Variants in TNFSF4 observed in about 807,000 individuals in gnomAD.
TNFSF4 encodes tumor necrosis factor ligand superfamily member 4.
Under a neutral mutation model 7.3 loss-of-function variants are expected in TNFSF4, and 4 were observed. The ratio of observed to expected loss-of-function variants is 0.55; its 90% confidence interval spans 0.27 to 1.25. The LOEUF is 1.25. Ranked by LOEUF, TNFSF4 falls within the 50% of genes most tolerant of loss-of-function variation. The probability of loss-of-function intolerance (pLI) is 0.12; values close to 1 mark genes in which losing one functional copy is unlikely to be tolerated. For synonymous variants in TNFSF4, 76 were observed against 83.7 expected (o/e 0.91, Z 0.50); for missense variants, 181 against 208.8 (o/e 0.87, Z 0.82).
At chr1:173,424,175 G>A in the TNFSF4 span, among the ~76,000 whole-genome samples, 1 of 152,296 alleles carries the variant, frequency 6.6e-6, no homozygotes, top group African/African-American at 2.4e-5. Context: ...TATGAACTTG[G>A]GGGAACACAT....
At chr1:173,315,001 A>G in the TNFSF4 span, among the ~76,000 whole-genome samples, 1 of 152,170 alleles carries the variant, frequency 6.6e-6, no homozygotes, top group African/African-American at 2.4e-5. Context: ...AAGGAGAGAG[A>G]GGTCAAGGTG....
the TNFSF4 span, among the ~76,000 whole-genome samples, chr1:173,367,187 T>G: frequency 1.3e-5 from 2 of 152,216 alleles, no homozygotes; most frequent in Non-Finnish European, 2.9e-5. Flanking sequence ...TTTGCTACAA[T>G]TCCACACTCT....
At chr1:173,208,927 A>G (rs1650287732), upstream of TNFSF4, among the ~76,000 whole-genome samples, 1 of 152,184 alleles carries the variant, frequency 6.6e-6, no homozygotes, top group Non-Finnish European at 1.5e-5. Context: ...CATGCTGAAA[A>G]TCGTAGATAA....
At chr1:173,298,626 G>C in the TNFSF4 span, among the ~76,000 whole-genome samples, 1 of 151,864 alleles carries the variant, frequency 6.6e-6, no homozygotes, top group Admixed American at 6.6e-5. Context: ...AACTGAGGCT[G>C]TTTAGCCAGA....
chr1:173,221,666 A>G, the TNFSF4 span, among the ~76,000 whole-genome samples: 1 of 152,186 alleles, frequency 6.6e-6, no homozygotes, highest in African/African-American at 2.4e-5. Flanking sequence ...TGAAGAGCTC[A>G]GTTTTGCACA....
At chr1:173,418,243 C>G in the TNFSF4 span, 1 of 152,310 alleles carries the variant, frequency 6.6e-6, no homozygotes, top group South Asian at 2.1e-4. Flanking sequence ...CCCACGGCAC[C>G]AATGGATCTA....
the TNFSF4 span, among the ~76,000 whole-genome samples, chr1:173,385,015 C>A: frequency 6.6e-6 from 1 of 152,150 alleles, no homozygotes; most frequent in Admixed American, 6.5e-5. Flanking sequence ...GCATAAATAG[C>A]AAACAGGACT....
chr1:173,264,228 C>T, the TNFSF4 span, among the ~76,000 whole-genome samples: 3 of 151,882 alleles, frequency 2.0e-5, no homozygotes, highest in African/African-American at 7.3e-5. Context: ...GCTCAATGCA[C>T]TCTTGACCTC....
chr1:173,293,593 G>A, the TNFSF4 span, among the ~76,000 whole-genome samples: 1 of 152,004 alleles, frequency 6.6e-6, no homozygotes, highest in African/African-American at 2.4e-5. Context: ...AAAAGCAATT[G>A]CGATAAAAAT....
chr1:173,363,517 C>T, the TNFSF4 span: 1 of 456,266 alleles, frequency 2.2e-6, no homozygotes, highest in South Asian at 1.9e-5. Flanking sequence ...TCAAATCTTA[C>T]CTTTAAGATT....
chr1:173,387,225 T>C, the TNFSF4 span, among the ~76,000 whole-genome samples: 15 of 152,216 alleles, frequency 9.9e-5, no homozygotes, highest in Non-Finnish European at 2.2e-4. Context: ...CCCTTCAAAA[T>C]TCATGTTGAA....
the TNFSF4 span, among the ~76,000 whole-genome samples, chr1:173,265,618 C>A: frequency 6.6e-6 from 1 of 151,938 alleles, no homozygotes; most frequent in Non-Finnish European, 1.5e-5. Flanking sequence ...CCATATATGC[C>A]CATATTTTCT....
chr1:173,391,936 C>G, the TNFSF4 span, among the ~76,000 whole-genome samples: 2 of 152,188 alleles, frequency 1.3e-5, no homozygotes, highest in Non-Finnish European at 2.9e-5. Flanking sequence ...TCATCATGAC[C>G]TTTAAATTCC....
the TNFSF4 span, among the ~76,000 whole-genome samples, chr1:173,258,899 G>T: frequency 6.6e-6 from 1 of 152,144 alleles, no homozygotes; most frequent in African/African-American, 2.4e-5. Flanking sequence ...CATGGTCTCT[G>T]TGGTTCATTC....
Position 173,185,522 on chromosome 1 carries a change from G to C in TNFSF4, c.*994C>G, listed in dbSNP as rs1378918903. 6.6e-6 allele frequency: 1 copy of C among 152,152 alleles called. No homozygotes were observed. The highest frequency in any genetic ancestry group is 2.4e-5 in the African/African-American group (1 of 41,430). The allele number at this position is 152,152 out of a possible 1,614,324, so 9.4% of individuals were successfully genotyped here. A position where few individuals can be genotyped will look rare whatever the true frequency, so the allele number is the denominator to read the frequency against. ...TGACATCAGATTGAATTTGATAATA[G>C]GATCACCTCATTTCTTGAAACCAGC... On this transcript the variant is annotated 3_prime_UTR_variant, in exon 3 of 3. Coordinates refer to ENST00000281834, the MANE Select transcript of TNFSF4 (RefSeq NM_003326.5).
chr1:173,306,785 A>G, the TNFSF4 span, among the ~76,000 whole-genome samples: 1 of 151,876 alleles, frequency 6.6e-6, no homozygotes, highest in Non-Finnish European at 1.5e-5. Context: ...GGGGTCTCAT[A>G]AGCTCAAGGG....
the TNFSF4 span, among the ~76,000 whole-genome samples, chr1:173,372,746 G>T: frequency 6.6e-6 from 1 of 152,184 alleles, no homozygotes; most frequent in Non-Finnish European, 1.5e-5. Flanking sequence ...TTGAGGGACT[G>T]GTGCTTCAAA....
At chr1:173,405,128 G>A in the TNFSF4 span, among the ~76,000 whole-genome samples, 2 of 152,144 alleles carry the variant, frequency 1.3e-5, no homozygotes, top group Non-Finnish European at 2.9e-5. Flanking sequence ...TTTGCTCACT[G>A]ATGCATCCCA....
chr1:173,366,090 TAG>T, the TNFSF4 span, among the ~76,000 whole-genome samples: 1 of 152,110 alleles, frequency 6.6e-6, no homozygotes, highest in African/African-American at 2.4e-5. Flanking sequence ...AAACTAAAAA[TAG>T]AGGTACCATG....
Sources: gnomAD v4.1 joint callset for allele counts (sites outside exome capture counted in the v4.1 genomes callset) on GRCh38, gnomAD v4.1.1 for gene constraint, MANE v1.5 for transcripts, NCBI Gene and HGNC (gene_info 2026-07-23, HGNC 2026-07-21) for gene names.